Variants in FAP observed in about 807,000 individuals in gnomAD.
FAP encodes the protein fibroblast activation protein alpha.
Under a neutral mutation model 126.5 loss-of-function variants are expected in FAP, and 110 were observed. That is an observed-to-expected ratio of 0.87 (90% CI 0.74 to 1.02). FAP has a LOEUF of 1.02. FAP is among the 50% of genes least tolerant of loss of function. FAP has a pLI of 0.00. For missense variants in FAP, 919 were observed against 909.2 expected, an observed-to-expected ratio of 1.01 and a Z score of -0.14; for synonymous variants, 334 against 297.3, an observed-to-expected ratio of 1.12 and a Z score of -1.27.
At position 162,223,676 on chromosome 2, in the gene FAP, A is replaced by C; in HGVS notation, c.361-16T>G. 1.3e-6 allele frequency: 2 copies of C among 1,593,396 alleles called. No homozygotes were observed. Among genetic ancestry groups the C allele is most frequent in the Non-Finnish European group, 1.7e-6 (2 of 1,161,640 alleles). On this transcript the variant is annotated splice_polypyrimidine_tract_variant and intron_variant, in intron 5 of 25. Transcript: ENST00000188790. ...ATCTCCAAAGCTGTCAGAAAGAAGA[A>C]AGACAAAAAACAAATTGCAGTTGTT...
chr2:162,173,042 C>T, intron 24 of FAP, 107 bp downstream of exon 24: 7 of 1,174,284 alleles, frequency 6.0e-6, no homozygotes, highest in Non-Finnish European at 9.0e-6. Context: ...GTCCCTGACT[C>T]TTAGGTACTG....
At chr2:162,200,323 T>C (rs917517795) in intron 15 of FAP, among the ~76,000 whole-genome samples, 1 of 152,234 alleles carries the variant, frequency 6.6e-6, no homozygotes, top group Non-Finnish European at 1.5e-5. Context: ...CAGAATAGTA[T>C]TTAGTATTCA....
intron 16 of FAP, 171 bp downstream of exon 16, chr2:162,198,586 G>A (rs934408121): frequency 1.8e-5 from 17 of 927,512 alleles, no homozygotes; most frequent in Non-Finnish European, 2.5e-5. Context: ...AAAAAGTAAA[G>A]ATAATAATAC....
At chr2:162,189,584 C>G (rs955094824) in intron 18 of FAP, 72 bp downstream of exon 18, 5 of 805,250 alleles carry the variant, frequency 6.2e-6, no homozygotes, top group African/African-American at 3.5e-5. Flanking sequence ...AACATTCACT[C>G]TATGCTTTTT....
At chr2:162,178,609 G>A (rs1687571321) in intron 21 of FAP, among the ~76,000 whole-genome samples, 1 of 152,142 alleles carries the variant, frequency 6.6e-6, no homozygotes, top group Non-Finnish European at 1.5e-5. Context: ...ATTTATCAAG[G>A]GACTAAAACC....
At chr2:162,227,363 C>CA (rs1689699663) in intron 2 of FAP, among the ~76,000 whole-genome samples, 1 of 152,118 alleles carries the variant, frequency 6.6e-6, no homozygotes, top group Non-Finnish European at 1.5e-5. Context: ...TTGAATACTT[C>CA]AAAACCATTG....
chr2:162,179,807 T>G (rs1334753060), intron 21 of FAP, among the ~76,000 whole-genome samples: 3 of 140,066 alleles, frequency 2.1e-5, no homozygotes, highest in East Asian at 4.1e-4. Context: ...TATATATATA[T>G]ATATATTTTT....
intron 16 of FAP, 34 bp downstream of exon 16, chr2:162,198,723 G>C: frequency 1.9e-6 from 3 of 1,612,134 alleles, no homozygotes; most frequent in South Asian, 2.2e-5. Flanking sequence ...CATGCCTGTG[G>C]GGATGCTGTG....
chr2:162,198,864 T>C lies in FAP; in HGVS notation c.1295A>G (p.Tyr432Cys). Residue 432 changes from tyrosine to cysteine, a missense_variant, in exon 16 of 26, where the codon TAT (tyrosine) becomes TGT (cysteine). Physicochemically the swap from Tyr to Cys is radical, Grantham distance 194. Coordinates refer to ENST00000188790, the MANE Select transcript of FAP (RefSeq NM_004460.5). ...AGTAACACACTTCTTGCTTGGAGGA[T>C]AGCTTCCAATGCTAATTCTAGAGGG... ...RNIYRISIGSYPPSKKCVTCH... is the reference protein window; with the variant it reads ...RNIYRISIGSCPPSKKCVTCH... The C allele has an allele frequency of 1.9e-6, 3 of 1,613,880 alleles. No individual in the cohort carries two copies. Among genetic ancestry groups the C allele is most frequent in the Non-Finnish European group, 2.5e-6 (3 of 1,179,766 alleles).
intron 21 of FAP, among the ~76,000 whole-genome samples, chr2:162,179,019 C>T (rs1687588550): frequency 6.6e-6 from 1 of 152,138 alleles, no homozygotes; most frequent in Admixed American, 6.5e-5. Context: ...TTACTACTCT[C>T]CTAGCCCCTT....
chr2:162,199,706 C>T (rs551943544), intron 15 of FAP, among the ~76,000 whole-genome samples: 3 of 152,218 alleles, frequency 2.0e-5, no homozygotes, highest in Non-Finnish European at 2.9e-5. Flanking sequence ...CTGACTTTGC[C>T]TTGGGCATGG....
At chr2:162,242,809 A>G in intron 2 of FAP, 99 bp downstream of exon 2, 10 of 828,550 alleles carry the variant, frequency 1.2e-5, no homozygotes, top group Non-Finnish European at 2.0e-5. Context: ...TTACTTTGGA[A>G]CATAAGCACT....
chr2:162,202,703 A>T (rs1410338723), intron 14 of FAP, among the ~76,000 whole-genome samples, 169 bp downstream of exon 14: 1 of 152,216 alleles, frequency 6.6e-6, no homozygotes, highest in African/African-American at 2.4e-5. Context: ...TCCAAAAGGA[A>T]ATCATTTTGA....
intron 21 of FAP, among the ~76,000 whole-genome samples, chr2:162,180,673 A>C (rs1051168527): frequency 6.6e-6 from 1 of 152,218 alleles, no homozygotes; most frequent in African/African-American, 2.4e-5. Context: ...GGGAGGTTGA[A>C]AACAGCTCTC....
At chr2:162,194,092 G>C (rs1688149345) in intron 17 of FAP, 1 of 152,242 alleles carries the variant, frequency 6.6e-6, no homozygotes, top group Non-Finnish European at 1.5e-5. Flanking sequence ...CACAAATACA[G>C]GATAGAGGAG....
intron 20 of FAP, among the ~76,000 whole-genome samples, chr2:162,187,687 C>T (rs1687906888): frequency 6.6e-6 from 1 of 152,060 alleles, no homozygotes; most frequent in African/African-American, 2.4e-5. Context: ...AATAGGCAAA[C>T]ACTTTCATGC....
At chr2:162,209,887 TC>T in intron 12 of FAP, 64 bp downstream of exon 12, 1 of 1,434,052 alleles carries the variant, frequency 7.0e-7, no homozygotes. Context: ...TTGCAAATAG[TC>T]CTTTGATAGC....
At chr2:162,224,412 C>G (rs1689545307) in intron 5 of FAP, 54 bp downstream of exon 5, 3 of 1,088,346 alleles carry the variant, frequency 2.8e-6, no homozygotes, top group African/African-American at 1.6e-5. Flanking sequence ...TTTAAACCAC[C>G]TTGTGGATTA....
chr2:162,198,575 A>G, intron 16 of FAP, 182 bp downstream of exon 16: 1 of 883,712 alleles, frequency 1.1e-6, no homozygotes, highest in Non-Finnish European at 1.7e-6. Flanking sequence ...CCTCAGTTGC[A>G]AAAAAGTAAA....
Sources: allele counts gnomAD v4.1 joint callset (sites outside exome capture counted in the v4.1 genomes callset), GRCh38; gene constraint gnomAD v4.1.1; transcripts MANE v1.5; gene names NCBI Gene and HGNC (gene_info 2026-07-23, HGNC 2026-07-21).